The following RCAN2 variants were observed in gnomAD, a reference collection of about 807,000 sequenced individuals.
RCAN2 encodes regulator of calcineurin 2.
Under a neutral mutation model 23.6 loss-of-function variants are expected in RCAN2, and 9 were observed. The ratio of observed to expected loss-of-function variants is 0.38; its 90% CI spans 0.23 to 0.67. The LOEUF (loss-of-function observed/expected upper bound fraction) is 0.67, where lower values mean the gene tolerates loss of function less well. Ranked by LOEUF, RCAN2 falls within the 30% of genes least tolerant of loss-of-function variation. RCAN2 has a pLI of 0.51. For missense variants in RCAN2, 273 were observed against 302.3 expected (o/e 0.90, Z 0.72); for synonymous variants, 109 against 115.7 (o/e 0.94, Z 0.37).
chr6:46,265,908 G>A (rs1767311519), intron 2 of RCAN2, among the ~76,000 whole-genome samples: 1 of 152,206 alleles, frequency 6.6e-6, no homozygotes, highest in Non-Finnish European at 1.5e-5. Context: ...CATATGGAGA[G>A]TTGGAATTCT....
intron 2 of RCAN2, among the ~76,000 whole-genome samples, chr6:46,430,752 G>A (rs529934568): frequency 2.0e-5 from 3 of 152,162 alleles, no homozygotes; most frequent in African/African-American, 7.2e-5. Flanking sequence ...TTCTTCAAAG[G>A]TATGTACAAT....
intron 2 of RCAN2, among the ~76,000 whole-genome samples, chr6:46,393,097 C>A (rs1765981303): frequency 6.6e-6 from 1 of 152,160 alleles, no homozygotes; most frequent in African/African-American, 2.4e-5. Flanking sequence ...AATTTCGCAA[C>A]AGACCATCAA....
Position 46,223,008 on chromosome 6 carries a change from G to A in RCAN2, c.*133C>T, listed in dbSNP as rs891500088. 7 of 906,818 alleles carry A rather than the reference G, an allele frequency of 7.7e-6. No homozygotes were observed. The Admixed American group carries it at 1.7e-4, about 22-fold the overall frequency. The allele number at this position is 906,818 out of a possible 1,614,324, so 56.2% of individuals were successfully genotyped here. A position where few individuals can be genotyped will look rare whatever the true frequency, so the allele number is the denominator to read the frequency against. On this transcript the variant is annotated 3_prime_UTR_variant, in exon 5 of 5. Transcript: ENST00000371374. ...ACCTTTTCCTAGCCCTTTTGTCCGA[G>A]AGGCTTGATAACAAGGAAGGAATCT...
intron 2 of RCAN2, among the ~76,000 whole-genome samples, chr6:46,306,544 A>G (rs527260254): frequency 7.2e-5 from 11 of 152,288 alleles, no homozygotes; most frequent in Non-Finnish European, 1.6e-4. Flanking sequence ...TTTACATCAC[A>G]TATTGAAAGT....
intron 2 of RCAN2, among the ~76,000 whole-genome samples, chr6:46,357,326 A>G (rs1286038417): frequency 6.6e-6 from 1 of 152,260 alleles, no homozygotes; most frequent in African/African-American, 2.4e-5. Flanking sequence ...TGCTTATGCC[A>G]TTAAAATTCA....
chr6:46,262,325 C>T (rs973471880), intron 2 of RCAN2, among the ~76,000 whole-genome samples: 10 of 152,250 alleles, frequency 6.6e-5, no homozygotes, highest in East Asian at 1.9e-4. Context: ...CCTTTCAGTA[C>T]GTCTCCCATC....
chr6:46,392,567 G>A (rs1285540107), intron 2 of RCAN2, among the ~76,000 whole-genome samples: 1 of 152,140 alleles, frequency 6.6e-6, no homozygotes, highest in Non-Finnish European at 1.5e-5. Flanking sequence ...TCCATAACAA[G>A]GAAGCACAGA....
At position 46,244,452 on chromosome 6, in the gene RCAN2, A is replaced by G. The variant is rs190248758; in HGVS notation, c.571+2296T>C. 4.0e-3 allele frequency among the ~76,000 whole-genome samples: 609 copies of G among 152,228 alleles called. 3 individuals are homozygous for G. Among genetic ancestry groups the G allele is most frequent in the South Asian group, 0.021 (103 of 4,824 alleles). ...TCTGTGCCTTCCAGAGCCTGGACTC[A>G]GCTGGGTCAGCCAGTAAGGGTGTCT... On this transcript the variant is annotated intron_variant, in intron 4 of 4. Coordinates refer to ENST00000371374, the MANE Select transcript of RCAN2 (RefSeq NM_001251974.2).
intron 1 of RCAN2, among the ~76,000 whole-genome samples, chr6:46,487,139 T>A (rs1403879450): frequency 2.6e-5 from 4 of 152,232 alleles, no homozygotes; most frequent in Admixed American, 2.0e-4. Context: ...TATGCCATAA[T>A]AATAGAATCC....
At chr6:46,337,717 T>C (rs1372568) in intron 2 of RCAN2, among the ~76,000 whole-genome samples, 64,607 of 152,008 alleles carry the variant, frequency 0.43, 15,072 homozygotes, top group East Asian at 0.6. Context: ...AGCCAGAGGC[T>C]CAGTGAAGTT....
At chr6:46,487,934 A>G (rs1769040873) in intron 1 of RCAN2, among the ~76,000 whole-genome samples, 1 of 152,220 alleles carries the variant, frequency 6.6e-6, no homozygotes, top group Admixed American at 6.5e-5. Flanking sequence ...TCAGAATGTC[A>G]CACTCCCTAG....
chr6:46,403,247 G>A (rs1766309060), intron 2 of RCAN2, among the ~76,000 whole-genome samples: 1 of 152,006 alleles, frequency 6.6e-6, no homozygotes, highest in Non-Finnish European at 1.5e-5. Flanking sequence ...TTGTAGGCGT[G>A]AGCCACCGCG....
chr6:46,339,988 T>C (rs1043843636), intron 2 of RCAN2, among the ~76,000 whole-genome samples: 1 of 152,194 alleles, frequency 6.6e-6, no homozygotes, highest in Non-Finnish European at 1.5e-5. Flanking sequence ...CTAGATGGTA[T>C]AAATAATTTA....
chr6:46,277,938 C>T (rs1767770943), intron 2 of RCAN2, among the ~76,000 whole-genome samples: 1 of 152,136 alleles, frequency 6.6e-6, no homozygotes. Flanking sequence ...ATGAACCTGA[C>T]TTGACATTAG....
chr6:46,315,709 G>T (rs1336533274), intron 2 of RCAN2, among the ~76,000 whole-genome samples: 1 of 151,800 alleles, frequency 6.6e-6, no homozygotes, highest in East Asian at 1.9e-4. Context: ...TCAGGGAGGG[G>T]GTTCTACACT....
At chr6:46,253,436 T>C (rs183724414) in intron 2 of RCAN2, among the ~76,000 whole-genome samples, 57 of 152,346 alleles carry the variant, frequency 3.7e-4, no homozygotes, top group Middle Eastern at 3.4e-3. Context: ...TGGTGTTCCA[T>C]GAGAAAAGTA....
At chr6:46,484,357 A>T (rs1447692645) in intron 1 of RCAN2, among the ~76,000 whole-genome samples, 2 of 152,192 alleles carry the variant, frequency 1.3e-5, no homozygotes, top group African/African-American at 4.8e-5. Flanking sequence ...ATTTATTCAA[A>T]ATGGTTTTCT....
chr6:46,348,777 C>T (rs573251663), intron 2 of RCAN2, among the ~76,000 whole-genome samples: 2 of 152,268 alleles, frequency 1.3e-5, no homozygotes, highest in South Asian at 4.1e-4. Context: ...GGACAATCAG[C>T]AACGTCTGCC....
chr6:46,270,365 C>A (rs1169969127), intron 2 of RCAN2, among the ~76,000 whole-genome samples: 3 of 152,200 alleles, frequency 2.0e-5, no homozygotes, highest in African/African-American at 7.2e-5. Flanking sequence ...GATGCTCCCA[C>A]TTTGTGCCAT....
Sources: gnomAD v4.1 joint callset for allele counts (sites outside exome capture counted in the v4.1 genomes callset) on GRCh38, gnomAD v4.1.1 for gene constraint, MANE v1.5 for transcripts, NCBI Gene and HGNC (gene_info 2026-07-23, HGNC 2026-07-21) for gene names.